URM1: variants seen among roughly 807,000 people sequenced by gnomAD.
URM1 encodes the protein ubiquitin related modifier 1.
URM1 carries 11 observed loss-of-function variants against 17.7 expected under a neutral mutation model. That is an observed-to-expected ratio of 0.62 (90% confidence interval 0.39 to 1.03). The LOEUF (loss-of-function observed/expected upper bound fraction) is 1.03. URM1 is among the 50% of genes least tolerant of loss of function. The pLI is 0.00. For synonymous variants in URM1, 48 were observed against 50.6 expected (o/e 0.95, Z 0.22); for missense variants, 128 against 129.2 (o/e 0.99, Z 0.04).
chr9:128,389,087 C>T, intron 3 of URM1, 174 bp from the exon 4 acceptor site: 4 of 1,415,026 alleles, frequency 2.8e-6, no homozygotes, highest in East Asian at 2.5e-5. Context: ...CATGACTGAC[C>T]TGGTTTCCTT....
chr9:128,388,429 C>T (rs956467373), intron 3 of URM1: 4 of 986,188 alleles, frequency 4.1e-6, no homozygotes, highest in Non-Finnish European at 2.4e-6. Context: ...GTGCAGTCTC[C>T]TTGGAAAGGA....
chr9:128,382,697 G>C (rs562986800), intron 2 of URM1, among the ~76,000 whole-genome samples: 1 of 152,216 alleles, frequency 6.6e-6, no homozygotes, highest in Non-Finnish European at 1.5e-5. Flanking sequence ...GGCTCGCTCT[G>C]TATGTTATTG....
At chr9:128,389,206 G>A in intron 3 of URM1, 55 bp from the exon 4 acceptor site, 1 of 1,553,824 alleles carries the variant, frequency 6.4e-7, no homozygotes. Flanking sequence ...CTCTTCCTCT[G>A]TGCTACTGCC....
rs770831530 is a variant in URM1 at position 128,371,401 on chromosome 9, G to A, written c.21G>A (p.Val7=). Residue 7 remains valine (V), a synonymous_variant, in exon 1 of 5, where the codon GTG becomes GTA. Coordinates refer to ENST00000372853, the MANE Select transcript of URM1 (RefSeq NM_030914.4). ...TCAACATGGCTGCGCCCTTGTCAGTGGAGGTGGAGTTCGGGTGAGTCACAG... is the reference window on the plus strand; with the variant it reads ...TCAACATGGCTGCGCCCTTGTCAGTAGAGGTGGAGTTCGGGTGAGTCACAG... MAAPLS[V]EVEFGGGAEL... 3 of 1,612,910 alleles carry A rather than the reference G, an allele frequency of 1.9e-6. No individual in the cohort carries two copies. Among genetic ancestry groups the A allele is most frequent in the Non-Finnish European group, 2.5e-6 (3 of 1,179,326 alleles).
intron 2 of URM1, among the ~76,000 whole-genome samples, chr9:128,381,921 A>G (rs1172861302): frequency 2.6e-5 from 4 of 152,140 alleles, no homozygotes; most frequent in Non-Finnish European, 5.9e-5. Flanking sequence ...TCCTTCATTT[A>G]TTTATTCATG....
rs1833277861 is a variant in URM1, at chr9:128,389,587, G to T, written c.238-79G>T. 4 of 1,597,776 alleles carry T rather than the reference G, an allele frequency of 2.5e-6. No homozygotes were observed. In the East Asian group the frequency reaches 9.1e-5, roughly 36 times the overall value. On this transcript the variant is annotated intron_variant, in intron 4 of 4. Transcript: ENST00000372853. ...TCTCTTCCAGAGCAGCCAGTCCTCA[G>T]CCCCTGTTCTCCCAACTCCTGGGGT...
intron 1 of URM1, among the ~76,000 whole-genome samples, chr9:128,376,113 C>A (rs1833073143): frequency 6.6e-6 from 1 of 151,696 alleles, no homozygotes; most frequent in Non-Finnish European, 1.5e-5. Flanking sequence ...TGACTCACAA[C>A]TCTAATCCCA....
intron 2 of URM1, among the ~76,000 whole-genome samples, chr9:128,386,413 G>C (rs1445221583): frequency 6.6e-6 from 1 of 152,222 alleles, no homozygotes; most frequent in Admixed American, 6.5e-5. Context: ...TCCAGGGACC[G>C]TGAAGACTCT....
chr9:128,374,040 G>A (rs1024512944), intron 1 of URM1, among the ~76,000 whole-genome samples: 18 of 152,186 alleles, frequency 1.2e-4, no homozygotes, highest in African/African-American at 3.1e-4. Context: ...AATTGGGGGG[G>A]TTGAAGGAAG....
In URM1 at chr9:128,387,185, C is replaced by T. The variant is rs951703141; in HGVS notation, c.107-631C>T. Among the ~76,000 whole-genome samples the T allele has an allele frequency of 2.0e-5, 3 of 152,222 alleles. No individual in the cohort carries two copies. Among genetic ancestry groups the T allele is most frequent in the African/African-American group, 7.2e-5 (3 of 41,454 alleles). ...CCCTGTCACCCGAACCTCTGGCCAC[C>T]GCTGGCGCGGAGGGCTCTGGAAGCA... On this transcript the variant is annotated intron_variant, in intron 2 of 4. Transcript: ENST00000372853. The surrounding 1 kb of genome is among the most constrained non-coding windows in gnomAD (Gnocchi z 4.3).
chr9:128,387,893 A>T lies in URM1; in HGVS notation c.184A>T (p.Ser62Cys), dbSNP rs1195850635. ...ERPELFIQGDSVRPGILVLIN... is the reference protein window; with the variant it reads ...ERPELFIQGDCVRPGILVLIN... Reference sequence around the variant, plus strand: ...GCCAGAGTTGTTCATCCAGGGAGACAGCGTGTGAGTCCCACTCCTCCCTTC... The same window carrying T: ...GCCAGAGTTGTTCATCCAGGGAGACTGCGTGTGAGTCCCACTCCTCCCTTC... Residue 62 changes from serine to cysteine, a missense_variant, in exon 3 of 5, where the codon AGC becomes TGC. By Grantham distance (112) the Ser-to-Cys change is moderately radical (BLOSUM62 -1). Coordinates refer to ENST00000372853, the MANE Select transcript of URM1 (RefSeq NM_030914.4). The surrounding 1 kb of genome is among the most constrained non-coding windows in gnomAD (Gnocchi z 4.3). The T allele has an allele frequency of 6.2e-7, 1 of 1,613,944 alleles. No individual in the cohort carries two copies. Among genetic ancestry groups the T allele is most frequent in the African/African-American group, 1.3e-5 (1 of 74,912 alleles).
intron 3 of URM1, 38 bp from the exon 4 acceptor site, chr9:128,389,223 C>G (rs1221470418): frequency 6.4e-7 from 1 of 1,567,172 alleles, no homozygotes; most frequent in South Asian, 1.2e-5. Context: ...TGCCTCCTGC[C>G]TCTCACTCCT....
intron 1 of URM1, among the ~76,000 whole-genome samples, chr9:128,377,809 A>G (rs1235255098): frequency 2.0e-5 from 3 of 152,218 alleles, no homozygotes; most frequent in South Asian, 2.1e-4. Context: ...ACAGCGAGCT[A>G]TGATTGCACT....
rs1833238628 is a variant in URM1, at chr9:128,387,131, A to G, written c.107-685A>G. On this transcript the variant is annotated intron_variant, in intron 2 of 4. Transcript: ENST00000372853. The surrounding 1 kb of genome is among the most constrained non-coding windows in gnomAD (Gnocchi z 4.3). The stretch of plus-strand genomic sequence containing the variant: ...GGCTCCCCCAGAACCACAAGGAGGC[A>G]GATCTCAGTGTTAGCTGAGCTGGAG... 6.6e-6 allele frequency among the ~76,000 whole-genome samples: 1 copy of G among 152,210 alleles called. No homozygotes were observed. Among genetic ancestry groups the G allele is most frequent in the Admixed American group, 6.5e-5 (1 of 15,278 alleles).
intron 2 of URM1, 57 bp downstream of exon 2, chr9:128,378,163 T>TG: frequency 1.6e-6 from 2 of 1,288,284 alleles, no homozygotes; most frequent in Non-Finnish European, 2.2e-6. Flanking sequence ...AGTTGGTCCA[T>TG]GGGGAACACT....
intron 2 of URM1, among the ~76,000 whole-genome samples, chr9:128,381,836 A>C (rs746897414): frequency 1.3e-5 from 2 of 152,260 alleles, no homozygotes; most frequent in Admixed American, 6.5e-5. Flanking sequence ...GCGCTTTGCC[A>C]CTAACCCATC....
At chr9:128,373,782 C>T (rs139834014) in intron 1 of URM1, among the ~76,000 whole-genome samples, 1 of 152,312 alleles carries the variant, frequency 6.6e-6, no homozygotes, top group Non-Finnish European at 1.5e-5. Flanking sequence ...CAGAGAAGAA[C>T]TGGGAGAAAT....
intron 3 of URM1, chr9:128,388,272 T>C: frequency 9.3e-7 from 1 of 1,077,078 alleles, no homozygotes; most frequent in Non-Finnish European, 1.1e-6. Flanking sequence ...CTGTTTTATT[T>C]CATTGTAATT....
chr9:128,388,900 A>C, intron 3 of URM1: 1 of 1,051,644 alleles, frequency 9.5e-7, no homozygotes, highest in Non-Finnish European at 1.1e-6. Flanking sequence ...TGTGGCAAGC[A>C]CTCCACACAT....
Sources: gnomAD v4.1 joint callset for allele counts (sites outside exome capture counted in the v4.1 genomes callset) on GRCh38, gnomAD v4.1.1 for gene constraint, Gnocchi (gnomAD v3.1) non-coding constraint, MANE v1.5 for transcripts, NCBI Gene and HGNC (gene_info 2026-07-23, HGNC 2026-07-21) for gene names.